The following FGF16 variants were observed in gnomAD, a reference collection of about 807,000 sequenced individuals.
FGF16 encodes fibroblast growth factor 16, also known as metacarpal 4-5 fusion.
Under a neutral mutation model 8.5 loss-of-function variants are expected in FGF16, and 2 were observed. The observed-to-expected ratio is 0.24, with a 90% CI of 0.10 to 0.75. The LOEUF is 0.75. Ranked by LOEUF, FGF16 falls within the 30% of genes least tolerant of loss-of-function variation. FGF16 has a pLI of 0.74. For missense variants in FGF16, 79 were observed against 87.4 expected, an observed-to-expected ratio of 0.90 and a Z score of 0.38; for synonymous variants, 33 against 34.6, an observed-to-expected ratio of 0.95 and a Z score of 0.16.
chrX:77,455,461 C>T (rs781943313), intron 2 of FGF16, among the ~76,000 whole-genome samples: 12 of 111,796 alleles, frequency 1.1e-4, no homozygotes, highest in South Asian at 3.8e-4. Flanking sequence ...ACTAGGCTAG[C>T]GGCAGTGCAT....
chrX:77,453,944 G>A (rs781970733), intron 1 of FGF16, among the ~76,000 whole-genome samples: 3 of 111,290 alleles, frequency 2.7e-5, no homozygotes, highest in South Asian at 3.8e-4. Flanking sequence ...GGTGTCCCCC[G>A]TTTTACATAT....
At chrX:77,454,317 A>G (rs1182660746) in intron 2 of FGF16, 57 bp downstream of exon 2, 5 of 586,387 alleles carry the variant, frequency 8.5e-6, no homozygotes, top group African/African-American at 3.9e-5. Flanking sequence ...AGAGGTTATT[A>G]CAACCAGTGT....
intron 2 of FGF16, among the ~76,000 whole-genome samples, chrX:77,455,471 T>A (rs1007876651): frequency 1.8e-5 from 2 of 111,802 alleles, no homozygotes; most frequent in East Asian, 5.6e-4. Context: ...CGGCAGTGCA[T>A]TTTCTCTATT....
chrX:77,448,049 G>C, intron 1 of FGF16, 101 bp downstream of exon 1: 1 of 297,379 alleles, frequency 3.4e-6, no homozygotes, highest in Non-Finnish European at 5.9e-6. Flanking sequence ...CCCCGGGCTT[G>C]GTGTCGTCCG....
rs1271269857 is a variant in FGF16 at position 77,457,229 on chromosome X, TGA to T, written c.*709_*710del. The T allele has an allele frequency of 1.8e-5, 2 of 112,076 alleles. No homozygotes were observed. Among genetic ancestry groups the T allele is most frequent in the Non-Finnish European group, 3.8e-5 (2 of 53,219 alleles). 9.2% of individuals were successfully genotyped at this position (112,076 alleles called of 1,213,427 possible). ...AAGGTCCTACTGAAACAGGATAAAATGAGTTATTAAAGGCTTTTACTGACAAT... is the reference window on the plus strand; with the variant it reads ...AAGGTCCTACTGAAACAGGATAAAATGTTATTAAAGGCTTTTACTGACAAT... On this transcript the variant is annotated 3_prime_UTR_variant, in exon 3 of 3. Coordinates refer to ENST00000439435, the MANE Select transcript of FGF16 (RefSeq NM_003868.3).
At chrX:77,455,849 A>T (rs1335633708) in intron 2 of FGF16, among the ~76,000 whole-genome samples, 4 of 111,946 alleles carry the variant, frequency 3.6e-5, no homozygotes, top group Non-Finnish European at 7.5e-5. Flanking sequence ...CTCACCTCCC[A>T]TGGAGCTTTA....
intron 1 of FGF16, among the ~76,000 whole-genome samples, chrX:77,451,787 T>C (rs1557026696): frequency 8.9e-6 from 1 of 112,273 alleles, no homozygotes; most frequent in African/African-American, 3.2e-5. Flanking sequence ...CTTGTTCAAT[T>C]AAGTCTCTTA....
intron 1 of FGF16, among the ~76,000 whole-genome samples, chrX:77,448,920 C>T (rs1018442514): frequency 9.0e-6 from 1 of 111,605 alleles, no homozygotes; most frequent in Non-Finnish European, 1.9e-5. Flanking sequence ...CCGCATCCTC[C>T]AATGTCCTCT....
intron 1 of FGF16, among the ~76,000 whole-genome samples, chrX:77,449,081 T>A (rs1280684789): frequency 9.0e-6 from 1 of 110,923 alleles, no homozygotes; most frequent in East Asian, 2.8e-4. Context: ...AACCTCTCCA[T>A]CCTCCTATTC....
At chrX:77,452,022 A>G (rs1202622433) in intron 1 of FGF16, among the ~76,000 whole-genome samples, 1 of 112,429 alleles carries the variant, frequency 8.9e-6, no homozygotes, top group East Asian at 2.8e-4. Flanking sequence ...TTAATAGGAC[A>G]TGATCTAAGC....
chrX:77,456,132 A>C, intron 2 of FGF16, 145 bp from the exon 3 acceptor site: 1 of 522,373 alleles, frequency 1.9e-6, no homozygotes. Flanking sequence ...ATTTGGAAGA[A>C]AGTTACCTCC....
intron 1 of FGF16, among the ~76,000 whole-genome samples, chrX:77,453,141 C>G (rs1490968962): frequency 9.0e-6 from 1 of 111,654 alleles, no homozygotes; most frequent in South Asian, 3.8e-4. Flanking sequence ...CAGATATGAG[C>G]TCATTTCATA....
chrX:77,453,375 C>T (rs1209767878), intron 1 of FGF16, among the ~76,000 whole-genome samples: 2 of 112,075 alleles, frequency 1.8e-5, no homozygotes, highest in African/African-American at 3.2e-5. Context: ...CAAATCTTCA[C>T]CTCTAATATT....
In FGF16 at chrX:77,454,272, GTTTT is replaced by G. The variant is rs782034788; in HGVS notation, c.378+39_378+42del. 1,169 of 148,584 alleles carry G rather than the reference GTTTT, an allele frequency of 7.9e-3. No individual in the cohort carries two copies. Among genetic ancestry groups the G allele is most frequent in the East Asian group, 0.012 (42 of 3,400 alleles). 12.2% of individuals were successfully genotyped at this position (148,584 alleles called of 1,213,427 possible). A position where few individuals can be genotyped will look rare whatever the true frequency, so the allele number is the denominator to read the frequency against. On this transcript the variant is annotated intron_variant, in intron 2 of 2. Coordinates refer to ENST00000439435, the MANE Select transcript of FGF16 (RefSeq NM_003868.3). ...AACTCTATGGGTCGGTAAGTTTAAG[GTTTT>G]TTTTTTTTTTTTTTTTTTTTTTTTT... is the stretch of plus-strand genomic sequence containing the variant.
chrX:77,452,266 A>G (rs1319194139), intron 1 of FGF16, among the ~76,000 whole-genome samples: 1 of 112,454 alleles, frequency 8.9e-6, no homozygotes, highest in African/African-American at 3.2e-5. Flanking sequence ...AGCGGTCCTC[A>G]TATGTTCTCT....
intron 1 of FGF16, among the ~76,000 whole-genome samples, chrX:77,449,420 C>A (rs2147425090): frequency 9.0e-6 from 1 of 110,781 alleles, no homozygotes; most frequent in South Asian, 3.9e-4. Context: ...ATTTTGCAGT[C>A]CCCTTTTGTT....
At chrX:77,454,416 T>C (rs782431220) in intron 2 of FGF16, among the ~76,000 whole-genome samples, 156 bp downstream of exon 2, 39 of 104,020 alleles carry the variant, frequency 3.7e-4, no homozygotes, top group Non-Finnish European at 6.4e-4. Context: ...TTTGGGAGGC[T>C]GAGGTGGGCG....
rs1252022552 is a variant in FGF16, at chrX:77,447,773, C to T, written c.99C>T (p.Phe33=). ...TGCCCTTAGCTGACTCCCCAGGTTT[C>T]CTGAACGAGCGCCTGGGCCAAATCG... ...GNVPLADSPG[F]LNERLGQIEG... Residue 33 remains phenylalanine, a synonymous_variant, in exon 1 of 3, where the codon TTC becomes TTT. Coordinates refer to ENST00000439435, the MANE Select transcript of FGF16 (RefSeq NM_003868.3). 1 of 297,035 alleles carries T rather than the reference C, an allele frequency of 3.4e-6. No individual in the cohort carries two copies. Among genetic ancestry groups the T allele is most frequent in the African/African-American group, 2.7e-5 (1 of 36,830 alleles). 24.5% of individuals were successfully genotyped at this position (297,035 alleles called of 1,213,427 possible). A position where few individuals can be genotyped will look rare whatever the true frequency, so the allele number is the denominator to read the frequency against.
At chrX:77,448,377 C>CCGTGGGCATGTGAGGCGA (rs2062547475) in intron 1 of FGF16, among the ~76,000 whole-genome samples, 1 of 112,141 alleles carries the variant, frequency 8.9e-6, no homozygotes, top group Non-Finnish European at 1.9e-5. Context: ...CCTGCATGGG[C>CCGTGGGCATGTGAGGCGA]CGTGGGCATG....
Sources: allele counts gnomAD v4.1 joint callset (sites outside exome capture counted in the v4.1 genomes callset), GRCh38; gene constraint gnomAD v4.1.1; transcripts MANE v1.5; gene names NCBI Gene and HGNC (gene_info 2026-07-23, HGNC 2026-07-21).